Variants in DNAJC5B observed in about 807,000 individuals in gnomAD.
DNAJC5B encodes DnaJ heat shock protein family (Hsp40) member C5 beta, also known as dnaJ homolog subfamily C member 5B.
DNAJC5B carries 23 observed loss-of-function variants against 24.7 expected under a neutral mutation model. The observed-to-expected ratio is 0.93, with a 90% CI of 0.67 to 1.32. The LOEUF is 1.32. Among genes scored for constraint, DNAJC5B ranks in the 40% most tolerant of loss-of-function variants. The probability of loss-of-function intolerance (pLI) is 0.00; values close to 1 mark genes in which losing one functional copy is unlikely to be tolerated. For synonymous variants in DNAJC5B, 101 were observed against 90.1 expected (o/e 1.12, Z -0.68); for missense variants, 238 against 240.8 (o/e 0.99, Z 0.08).
upstream of DNAJC5B, among the ~76,000 whole-genome samples, chr8:66,019,312 T>G (rs1362531456): frequency 2.0e-5 from 3 of 152,238 alleles, no homozygotes; most frequent in Non-Finnish European, 4.4e-5. Context: ...TGCATAAATA[T>G]ATCTAACTGT....
rs536638690 is a variant in DNAJC5B at position 66,071,155 on chromosome 8, G to A, written c.120-5505G>A. 4.0e-4 allele frequency among the ~76,000 whole-genome samples: 61 copies of A among 152,242 alleles called. 1 individual carries two copies. Among genetic ancestry groups the A allele is most frequent in the Middle Eastern group, 6.8e-3 (2 of 294 alleles). ...ACATAGGCATGGGCAAAGACTTCAT[G>A]ACTAAAACACCAAAAGCAATGGCAA... is the stretch of plus-strand genomic sequence containing the variant. On this transcript the variant is annotated intron_variant, in intron 3 of 5. Coordinates refer to ENST00000276570, the MANE Select transcript of DNAJC5B (RefSeq NM_033105.6).
rs1807471560 is a variant in DNAJC5B at position 66,076,714 on chromosome 8, T to C, written c.174T>C (p.Thr58=). 3.1e-6 allele frequency: 5 copies of C among 1,614,036 alleles called. No individual in the cohort carries two copies. In the South Asian group the frequency reaches 3.3e-5, roughly 11 times the overall value. ...PDKNPDDPAA[T]EKFKEINNAH... Reference sequence around the variant, plus strand: ...AGAATCCAGATGATCCAGCTGCTACTGAGAAGTTTAAAGAAATCAACAACG... The same window carrying C: ...AGAATCCAGATGATCCAGCTGCTACCGAGAAGTTTAAAGAAATCAACAACG... Residue 58 remains threonine, a synonymous_variant, in exon 4 of 6, where the codon ACT becomes ACC. Coordinates refer to ENST00000276570, the MANE Select transcript of DNAJC5B (RefSeq NM_033105.6).
chr8:66,024,402 T>TAC (rs1806208227), intron 1 of DNAJC5B, among the ~76,000 whole-genome samples: 1 of 136,166 alleles, frequency 7.3e-6, no homozygotes. Flanking sequence ...AGTTTCAGGA[T>TAC]TCTTTTTTTT....
chr8:66,052,876 C>T (rs1417087975), intron 3 of DNAJC5B, among the ~76,000 whole-genome samples: 1 of 152,066 alleles, frequency 6.6e-6, no homozygotes, highest in Non-Finnish European at 1.5e-5. Flanking sequence ...AGGAGAGCTG[C>T]TTTCAGAGAG....
rs60244347 is a variant in DNAJC5B, at chr8:66,053,936, C to CTTTT, written c.119+2283_119+2286dup. ...GAGCCACCGTGCCTGGCCTACTACC[C>CTTTT]TTTTTTTTTTTTTTTTAACAAGGTC... On this transcript the variant is annotated intron_variant, in intron 3 of 5. Transcript: ENST00000276570. Among the ~76,000 whole-genome samples the CTTTT allele has an allele frequency of 2.7e-3, 370 of 138,258 alleles. 4 individuals carry two copies. The highest frequency in any genetic ancestry group is 8.6e-3 in the African/African-American group (325 of 37,676). 90.7% of individuals were successfully genotyped at this position (138,258 alleles called of 152,430 possible).
chr8:66,068,674 C>T (rs1370159147), intron 3 of DNAJC5B, among the ~76,000 whole-genome samples: 1 of 151,808 alleles, frequency 6.6e-6, no homozygotes, highest in African/African-American at 2.4e-5. Context: ...TGAGGAAAAG[C>T]CATTTGAAAA....
chr8:66,099,817 T>C (rs1808033401), intron 5 of DNAJC5B, 120 bp from the exon 6 acceptor site: 1 of 780,392 alleles, frequency 1.3e-6, no homozygotes, highest in African/African-American at 1.7e-5. Context: ...GGTATATTGA[T>C]ATCTTATGAA....
At chr8:66,060,224 A>C (rs560509894) in intron 3 of DNAJC5B, among the ~76,000 whole-genome samples, 72 of 152,274 alleles carry the variant, frequency 4.7e-4, no homozygotes, top group African/African-American at 1.6e-3. Context: ...CTCATCCAAC[A>C]GACCCCCCTC....
At chr8:66,086,998 G>A (rs2128965920) in intron 5 of DNAJC5B, among the ~76,000 whole-genome samples, 1 of 152,262 alleles carries the variant, frequency 6.6e-6, no homozygotes, top group East Asian at 1.9e-4. Context: ...GAAAGGAACA[G>A]GGATTAACTA....
intron 3 of DNAJC5B, chr8:66,057,895 A>C (rs1401402742): frequency 6.6e-6 from 1 of 152,262 alleles, no homozygotes; most frequent in Non-Finnish European, 1.5e-5. Flanking sequence ...TGTCACTAGC[A>C]GATCTCTTCT....
At chr8:66,049,320 C>T (rs1048116393) in intron 2 of DNAJC5B, among the ~76,000 whole-genome samples, 54 of 152,216 alleles carry the variant, frequency 3.5e-4, no homozygotes, top group African/African-American at 1.1e-3. Context: ...TGACCTAGGA[C>T]TTCATATTCA....
intron 3 of DNAJC5B, among the ~76,000 whole-genome samples, chr8:66,059,425 A>T (rs113198368): frequency 0.015 from 2,230 of 152,270 alleles, 70 homozygotes; most frequent in African/African-American, 0.051. Context: ...TTTCCACCTA[A>T]TTTAGATATC....
intron 3 of DNAJC5B, among the ~76,000 whole-genome samples, chr8:66,060,080 C>G (rs1208985493): frequency 6.6e-6 from 1 of 152,178 alleles, no homozygotes; most frequent in Non-Finnish European, 1.5e-5. Context: ...GTTAGAGCCC[C>G]CTATGAGTTC....
intron 3 of DNAJC5B, among the ~76,000 whole-genome samples, chr8:66,058,577 G>A (rs1386655524): frequency 6.6e-6 from 1 of 152,204 alleles, no homozygotes; most frequent in East Asian, 1.9e-4. Context: ...TAAAAAAGGG[G>A]ACAAAGTTGG....
chr8:66,059,806 A>G (rs1276265575), intron 3 of DNAJC5B, among the ~76,000 whole-genome samples: 2 of 152,294 alleles, frequency 1.3e-5, no homozygotes, highest in East Asian at 3.9e-4. Context: ...AGTCACTGCT[A>G]GACATAACCT....
At chr8:66,099,230 G>A (rs1047823036) in intron 5 of DNAJC5B, among the ~76,000 whole-genome samples, 1 of 151,822 alleles carries the variant, frequency 6.6e-6, no homozygotes, top group Non-Finnish European at 1.5e-5. Flanking sequence ...TCATCTTGAG[G>A]TTTCTCAGAA....
chr8:66,083,822 TC>T (rs112852473), intron 5 of DNAJC5B, among the ~76,000 whole-genome samples: 80 of 152,170 alleles, frequency 5.3e-4, no homozygotes, highest in African/African-American at 1.8e-3. Context: ...CTTAATCAAA[TC>T]CCCAAAATGT....
intron 1 of DNAJC5B, among the ~76,000 whole-genome samples, chr8:66,036,577 G>A (rs533858143): frequency 6.6e-6 from 1 of 152,230 alleles, no homozygotes; most frequent in Admixed American, 6.5e-5. Context: ...TTAGGTGGCT[G>A]GGGGACAGGC....
At chr8:66,095,290 T>C (rs1187603409) in intron 5 of DNAJC5B, among the ~76,000 whole-genome samples, 1 of 152,028 alleles carries the variant, frequency 6.6e-6, no homozygotes. Context: ...CCTTCTTTTT[T>C]ATTTACAAAA....
Sources: gnomAD v4.1 joint callset for allele counts (sites outside exome capture counted in the v4.1 genomes callset) on GRCh38, gnomAD v4.1.1 for gene constraint, MANE v1.5 for transcripts, NCBI Gene and HGNC (gene_info 2026-07-23, HGNC 2026-07-21) for gene names.